C3orf20: variants seen among roughly 807,000 people sequenced by gnomAD.
C3orf20 encodes family with sequence similarity 149 member C, also known as uncharacterized protein C3orf20.
In C3orf20, 76 loss-of-function variants were observed where a neutral mutation model predicts 88.3. That is an observed-to-expected ratio of 0.86 (90% CI 0.72 to 1.04). C3orf20 has a LOEUF of 1.04. Ranked by LOEUF, C3orf20 falls within the 50% of genes least tolerant of loss-of-function variation. C3orf20 has a pLI of 0.00. For synonymous variants in C3orf20, 436 were observed against 437.4 expected (o/e 1.00, Z 0.04); for missense variants, 1,056 against 1,123.3 (o/e 0.94, Z 0.86).
Position 14,690,128 on chromosome 3 carries a change from T to A in C3orf20, c.745+12T>A. 2 of 1,613,960 alleles carry A rather than the reference T, an allele frequency of 1.2e-6. No individual in the cohort carries two copies. The highest frequency in any genetic ancestry group is 2.2e-5 in the East Asian group (1 of 44,874). ...CAAGAAGAAAATAGGTAAAAATGGT[T>A]CCTCGTGGCCTACCATTCATTGGTG... On this transcript the variant is annotated intron_variant, in intron 5 of 16. Transcript: ENST00000253697.
chr3:14,696,729 T>C (rs1224838011), intron 5 of C3orf20, among the ~76,000 whole-genome samples: 1 of 151,804 alleles, frequency 6.6e-6, no homozygotes, highest in Non-Finnish European at 1.5e-5. Flanking sequence ...CTTGAGATAA[T>C]AGTAGCTTAC....
In C3orf20 at chr3:14,683,047, G is replaced by T. The variant is rs1248361205; in HGVS notation, c.334G>T (p.Gly112Trp). The stretch of plus-strand genomic sequence containing the variant: ...ACGTCCAGTGCTGCTGGCAACCACT[G>T]GGGCAGCCAAGCGCTCCACCCTCTC... ...PPRPVLLATT[G>W]AAKRSTLSPT... Residue 112 changes from glycine to tryptophan, a missense_variant, in exon 3 of 17, where the codon GGG becomes TGG. Physicochemically the swap from Gly to Trp is radical, Grantham distance 184. Coordinates refer to ENST00000253697, the MANE Select transcript of C3orf20 (RefSeq NM_032137.5). The T allele has an allele frequency of 6.2e-7, 1 of 1,611,522 alleles. No homozygotes were observed. Among genetic ancestry groups the T allele is most frequent in the Non-Finnish European group, 8.5e-7 (1 of 1,178,856 alleles).
rs1049608876 is a variant in C3orf20, at chr3:14,768,925, C to G, written c.2496-3142C>G. Among the ~76,000 whole-genome samples the G allele has an allele frequency of 5.3e-5, 8 of 152,180 alleles. No individual in the cohort carries two copies. The highest frequency in any genetic ancestry group is 1.4e-4 in the African/African-American group (6 of 41,458). ...CAGAATCAACCTCTAGATTAGTCTTCCAGAGAAGCACCTGGCCCACTGTCA... is the reference window on the plus strand; with the variant it reads ...CAGAATCAACCTCTAGATTAGTCTTGCAGAGAAGCACCTGGCCCACTGTCA... On this transcript the variant is annotated intron_variant, in intron 15 of 16. Transcript: ENST00000253697. This position sits in a 1 kb window ranked among gnomAD's most constrained non-coding sequence, Gnocchi z 4.1.
chr3:14,738,028 A>G (rs2034774269), intron 12 of C3orf20, among the ~76,000 whole-genome samples: 1 of 152,050 alleles, frequency 6.6e-6, no homozygotes, highest in African/African-American at 2.4e-5. Context: ...CTTTGTTGCT[A>G]TTTCTACCAC....
At position 14,690,004 on chromosome 3, in the gene C3orf20, C is replaced by T. The variant is rs200768036; in HGVS notation, c.633C>T (p.Leu211=). ...YSSGQLWKES[L]ANMSAIGVNS... ...CTCTCTCTCCCACTCCAGAGTCCCTCGCAAACATGTCCGCCATTGGGGTGA... is the reference window on the plus strand; with the variant it reads ...CTCTCTCTCCCACTCCAGAGTCCCTTGCAAACATGTCCGCCATTGGGGTGA... Residue 211 remains leucine, a synonymous_variant, in exon 5 of 17, where the codon CTC becomes CTT. Transcript: ENST00000253697. 19 of 1,614,072 alleles carry T rather than the reference C, an allele frequency of 1.2e-5. No individual in the cohort carries two copies. The Admixed American group carries it at 2.0e-4, about 17-fold the overall frequency.
chr3:14,763,455 C>T (rs956328403), intron 15 of C3orf20, among the ~76,000 whole-genome samples: 1 of 152,216 alleles, frequency 6.6e-6, no homozygotes, highest in Non-Finnish European at 1.5e-5. Flanking sequence ...ATGAGGGTCC[C>T]ACCCTCATGA....
Position 14,725,279 on chromosome 3 carries a change from CT to C in C3orf20, c.1567-1620del, listed in dbSNP as rs1257807659. On this transcript the variant is annotated intron_variant, in intron 10 of 16. Coordinates refer to ENST00000253697, the MANE Select transcript of C3orf20 (RefSeq NM_032137.5). Reference sequence around the variant, plus strand: ...CTTGGACCGTGAGAGCTGCAAGGAGCTTCCAAGAAAATGTGCCGAGTGTTGG... The same window carrying C: ...CTTGGACCGTGAGAGCTGCAAGGAGCTCCAAGAAAATGTGCCGAGTGTTGG... Among the ~76,000 whole-genome samples the C allele has an allele frequency of 2.6e-5, 4 of 152,172 alleles. No homozygotes were observed. The East Asian group carries it at 7.7e-4, about 29-fold the overall frequency.
intron 7 of C3orf20, among the ~76,000 whole-genome samples, chr3:14,710,549 T>C (rs573878380): frequency 6.6e-6 from 1 of 152,324 alleles, no homozygotes; most frequent in Admixed American, 6.5e-5. Flanking sequence ...TTGTGTTTTG[T>C]TTTCATTCAT....
At chr3:14,750,491 G>A (rs1193872383) in intron 12 of C3orf20, among the ~76,000 whole-genome samples, 1 of 151,684 alleles carries the variant, frequency 6.6e-6, no homozygotes, top group South Asian at 2.1e-4. Flanking sequence ...GGAGGTTGAG[G>A]CTGCAGTGAG....
chr3:14,733,633 A>G (rs750799924), intron 12 of C3orf20, among the ~76,000 whole-genome samples: 1 of 151,228 alleles, frequency 6.6e-6, no homozygotes. Flanking sequence ...GTTTATTTTG[A>G]TAAGTTGGAT....
intron 12 of C3orf20, among the ~76,000 whole-genome samples, chr3:14,741,875 C>G (rs1258180156): frequency 6.6e-6 from 1 of 152,182 alleles, no homozygotes; most frequent in Non-Finnish European, 1.5e-5. Context: ...GTAGAAATTT[C>G]TAGGGTAGAG....
At chr3:14,766,583 G>T (rs949613220) in intron 15 of C3orf20, among the ~76,000 whole-genome samples, 1 of 152,202 alleles carries the variant, frequency 6.6e-6, no homozygotes, top group Non-Finnish European at 1.5e-5. Flanking sequence ...GGGGAGGGGG[G>T]TCACACACTA....
In C3orf20 at chr3:14,726,885, C is replaced by T. The variant is rs376146902; in HGVS notation, c.1567-16C>T. Reference sequence around the variant, plus strand: ...AGGGGATGGTGACACCCGCCCTCCCCTTTGCCCCTCTCCAGCTGAACCGCA... The same window carrying T: ...AGGGGATGGTGACACCCGCCCTCCCTTTTGCCCCTCTCCAGCTGAACCGCA... On this transcript the variant is annotated splice_polypyrimidine_tract_variant and intron_variant, in intron 10 of 16. Transcript: ENST00000253697. 17 of 1,613,756 alleles carry T rather than the reference C, an allele frequency of 1.1e-5. No homozygotes were observed. Among genetic ancestry groups the T allele is most frequent in the Middle Eastern group, 1.7e-4 (1 of 5,906 alleles).
At chr3:14,698,607 T>A (rs2033113300) in intron 5 of C3orf20, among the ~76,000 whole-genome samples, 1 of 152,216 alleles carries the variant, frequency 6.6e-6, no homozygotes, top group Admixed American at 6.5e-5. Flanking sequence ...TTCTCTTCCC[T>A]AGTTTCTCCC....
chr3:14,693,265 A>G (rs2032822346), intron 5 of C3orf20, among the ~76,000 whole-genome samples: 1 of 152,110 alleles, frequency 6.6e-6, no homozygotes, highest in African/African-American at 2.4e-5. Context: ...GAAGATTGCC[A>G]TTGGTATTTT....
intron 15 of C3orf20, among the ~76,000 whole-genome samples, chr3:14,769,355 C>T (rs765833881): frequency 4.6e-5 from 7 of 151,816 alleles, no homozygotes; most frequent in Non-Finnish European, 7.4e-5. Context: ...CCGCAGGAAC[C>T]TGTGAGCAGG....
chr3:14,765,317 GAAAGA>G (rs2035673538), intron 15 of C3orf20: 1 of 152,298 alleles, frequency 6.6e-6, no homozygotes, highest in Non-Finnish European at 1.5e-5. Context: ...TGGTTTGGGG[GAAAGA>G]ATAAATGTTC....
intron 15 of C3orf20, among the ~76,000 whole-genome samples, chr3:14,763,675 G>A (rs1160701336): frequency 6.6e-6 from 1 of 152,118 alleles, no homozygotes; most frequent in South Asian, 2.1e-4. Flanking sequence ...TAAGGAGTCC[G>A]GCCACCTTTC....
At chr3:14,771,158 C>T (rs1019932299) in intron 15 of C3orf20, among the ~76,000 whole-genome samples, 9 of 152,210 alleles carry the variant, frequency 5.9e-5, no homozygotes, top group Admixed American at 5.9e-4. Context: ...GAAGGACCCT[C>T]GCCCCTTTCC....
Sources: allele counts gnomAD v4.1 joint callset (sites outside exome capture counted in the v4.1 genomes callset), GRCh38; gene constraint gnomAD v4.1.1; non-coding constraint Gnocchi (gnomAD v3.1); transcripts MANE v1.5; gene names NCBI Gene and HGNC (gene_info 2026-07-23, HGNC 2026-07-21).